The following MARCHF1 variants were observed in gnomAD, a reference collection of about 807,000 sequenced individuals.
The protein encoded by MARCHF1 is E3 ubiquitin-protein ligase MARCHF1.
Under a neutral mutation model 54.2 loss-of-function variants are expected in MARCHF1, and 40 were observed. The ratio of observed to expected loss-of-function variants is 0.74; its 90% confidence interval spans 0.57 to 0.96. MARCHF1 has a LOEUF of 0.96. Among genes scored for constraint, MARCHF1 ranks in the 40% least tolerant of loss-of-function variants. The pLI is 0.00. For synonymous variants in MARCHF1, 236 were observed against 236.3 expected (o/e 1.00, Z 0.01); for missense variants, 586 against 656.5 (o/e 0.89, Z 1.17).
intron 3 of MARCHF1, among the ~76,000 whole-genome samples, chr4:163,924,052 T>C (rs561186656): frequency 6.6e-6 from 1 of 152,206 alleles, no homozygotes; most frequent in East Asian, 1.9e-4. Flanking sequence ...AAAATGTATT[T>C]AAATTGAGCA....
At chr4:164,033,979 G>T (rs901360209) in intron 2 of MARCHF1, among the ~76,000 whole-genome samples, 1 of 152,030 alleles carries the variant, frequency 6.6e-6, no homozygotes, top group Admixed American at 6.6e-5. Flanking sequence ...GCATGTATAC[G>T]TTTTCTGCAG....
chr4:163,685,382 T>G (rs1354957237), intron 5 of MARCHF1, among the ~76,000 whole-genome samples: 1 of 152,196 alleles, frequency 6.6e-6, no homozygotes, highest in African/African-American at 2.4e-5. Context: ...AATAGTTTAC[T>G]ATTGACTAGC....
chr4:164,088,322 G>A (rs1368954156), intron 2 of MARCHF1, among the ~76,000 whole-genome samples: 1 of 152,152 alleles, frequency 6.6e-6, no homozygotes, highest in East Asian at 1.9e-4. Flanking sequence ...AGGTTGAGAA[G>A]CTTACATAAA....
At chr4:163,805,434 T>A (rs1446539620) in intron 4 of MARCHF1, among the ~76,000 whole-genome samples, 1 of 151,318 alleles carries the variant, frequency 6.6e-6, no homozygotes, top group African/African-American at 2.4e-5. Flanking sequence ...TTAAGAGACA[T>A]GAATGCAAAA....
intron 1 of MARCHF1, among the ~76,000 whole-genome samples, chr4:164,355,442 G>T (rs1382709145): frequency 1.6e-5 from 2 of 128,308 alleles, no homozygotes; most frequent in Non-Finnish European, 3.3e-5. Flanking sequence ...ACAGAACAGA[G>T]CCCTCAGAAA....
chr4:164,037,688 G>A lies in MARCHF1; in HGVS notation c.-247-48979C>T, dbSNP rs534217673. Among the ~76,000 whole-genome samples, 102 of 152,270 alleles carry A rather than the reference G, an allele frequency of 6.7e-4. 1 individual carries two copies. The highest frequency in any genetic ancestry group is 2.2e-3 in the African/African-American group (91 of 41,546). On this transcript the variant is annotated intron_variant, in intron 2 of 9. Transcript: ENST00000514618. ...GACTTCAATCCAATGAGTACAGTAT[G>A]TAAATGGATACTTTACGTTGGAGAA...
In MARCHF1 at chr4:163,740,781, TTTGAG is replaced by T. The variant is rs141378771; in HGVS notation, c.112-39923_112-39919del. On this transcript the variant is annotated intron_variant, in intron 4 of 9. Transcript: ENST00000514618. ...CATAATTTCATGTTAAGGTAATGCG[TTTGAG>T]TTGTTTTTACTGAGTAGGTGAATAG... is the stretch of plus-strand genomic sequence containing the variant. 1.2e-3 allele frequency among the ~76,000 whole-genome samples: 190 copies of T among 152,238 alleles called. 1 individual carries two copies. The highest frequency in any genetic ancestry group is 4.5e-3 in the African/African-American group (188 of 41,550).
At chr4:163,892,437 A>G (rs184272972) in intron 3 of MARCHF1, among the ~76,000 whole-genome samples, 4 of 152,144 alleles carry the variant, frequency 2.6e-5, no homozygotes, top group Admixed American at 1.3e-4. Flanking sequence ...AGCTTAGTTT[A>G]AAAACCACTC....
At chr4:164,084,584 C>G (rs1755159205) in intron 2 of MARCHF1, among the ~76,000 whole-genome samples, 2 of 151,810 alleles carry the variant, frequency 1.3e-5, no homozygotes, top group Non-Finnish European at 3.0e-5. Context: ...ATTTGCTAAT[C>G]TAAGCTACCA....
intron 1 of MARCHF1, among the ~76,000 whole-genome samples, chr4:164,174,680 C>T (rs1463942163): frequency 5.6e-4 from 85 of 152,218 alleles, no homozygotes; most frequent in South Asian, 2.1e-3. Flanking sequence ...GTTAAAGGTG[C>T]AAGGGAACGT....
rs1274939703 is a variant in MARCHF1 at position 164,010,061 on chromosome 4, TC to T, written c.-247-21353del. On this transcript the variant is annotated intron_variant, in intron 2 of 9. Coordinates refer to ENST00000514618, the MANE Select transcript of MARCHF1 (RefSeq NM_001394959.1). ...AAACCTAAAGACTCCATCAAAAAAC[TC>T]TTTTTTTTTTTTTTTTTTTTTTTAG... 9.7e-3 allele frequency among the ~76,000 whole-genome samples: 980 copies of T among 101,288 alleles called. 7 individuals are homozygous for T. Among genetic ancestry groups the T allele is most frequent in the East Asian group, 0.025 (74 of 2,948 alleles). The allele number at this position is 101,288 out of a possible 152,430, so 66.4% of individuals were successfully genotyped here.
chr4:164,196,565 C>A (rs751617462), intron 1 of MARCHF1, among the ~76,000 whole-genome samples: 9 of 151,760 alleles, frequency 5.9e-5, no homozygotes, highest in Non-Finnish European at 1.3e-4. Context: ...TATTTTCTTT[C>A]CTCTTTTTGT....
chr4:164,109,267 G>C (rs778284153), intron 2 of MARCHF1, among the ~76,000 whole-genome samples: 1 of 151,966 alleles, frequency 6.6e-6, no homozygotes, highest in Non-Finnish European at 1.5e-5. Flanking sequence ...TCATCCCCCA[G>C]ACAGTCCAAG....
chr4:163,922,938 A>C (rs1293820447), intron 3 of MARCHF1, among the ~76,000 whole-genome samples: 2 of 152,214 alleles, frequency 1.3e-5, no homozygotes, highest in Non-Finnish European at 2.9e-5. Flanking sequence ...TCAATCAAGT[A>C]ATCAAAAGAA....
At chr4:163,819,431 TAAGA>T (rs1748631392) in intron 4 of MARCHF1, among the ~76,000 whole-genome samples, 1 of 152,116 alleles carries the variant, frequency 6.6e-6, no homozygotes, top group South Asian at 2.1e-4. Flanking sequence ...GAGCTTTGCA[TAAGA>T]AAGTGTCACA....
At chr4:164,295,986 A>G (rs1361821117) in intron 1 of MARCHF1, among the ~76,000 whole-genome samples, 2 of 152,204 alleles carry the variant, frequency 1.3e-5, no homozygotes, top group Non-Finnish European at 2.9e-5. Context: ...CACGCAAACC[A>G]TCAATTAAAG....
intron 1 of MARCHF1, among the ~76,000 whole-genome samples, chr4:164,297,371 A>G (rs1734439003): frequency 6.6e-6 from 1 of 152,128 alleles, no homozygotes; most frequent in African/African-American, 2.4e-5. Flanking sequence ...GCAATAAGTC[A>G]TGTTGAGAGC....
chr4:164,303,337 A>G (rs1734614217), intron 1 of MARCHF1, among the ~76,000 whole-genome samples: 1 of 152,180 alleles, frequency 6.6e-6, no homozygotes, highest in Non-Finnish European at 1.5e-5. Context: ...AAGAGTGCAT[A>G]TTTCCCTTTC....
rs909661390 is a variant in MARCHF1 at position 163,848,453 on chromosome 4, A to T, written c.111+5568T>A. ...GTCATTGCTGATCATCTAAAATGAC[A>T]TTTTTTTAATCTTCTTGTTTTGACT... On this transcript the variant is annotated intron_variant, in intron 4 of 9. Transcript: ENST00000514618. Among the ~76,000 whole-genome samples, 6 of 152,110 alleles carry T rather than the reference A, an allele frequency of 3.9e-5. No homozygotes were observed. The East Asian group carries it at 1.2e-3, about 29-fold the overall frequency.
Sources: allele counts gnomAD v4.1 joint callset (sites outside exome capture counted in the v4.1 genomes callset), GRCh38; gene constraint gnomAD v4.1.1; transcripts MANE v1.5; gene names NCBI Gene and HGNC (gene_info 2026-07-23, HGNC 2026-07-21).